TET1: variants seen among roughly 807,000 people sequenced by gnomAD.
TET1 encodes the protein methylcytosine dioxygenase TET1.
TET1 carries 13 observed loss-of-function variants against 148.7 expected under a neutral mutation model. The observed-to-expected ratio is 0.09, with a 90% CI of 0.06 to 0.14. The LOEUF is 0.14. Ranked by LOEUF, TET1 falls within the 10% of genes least tolerant of loss-of-function variation. The pLI is 1.00. For synonymous variants in TET1, 907 were observed against 937.2 expected, an observed-to-expected ratio of 0.97 and a Z score of 0.59; for missense variants, 2,182 against 2,553.8, an observed-to-expected ratio of 0.85 and a Z score of 3.14.
intron 3 of TET1, among the ~76,000 whole-genome samples, chr10:68,612,546 A>G (rs2054231963): frequency 6.6e-6 from 1 of 152,192 alleles, no homozygotes; most frequent in African/African-American, 2.4e-5. Context: ...AAAATAAAAT[A>G]AAGTCCTTTA....
chr10:68,596,846 G>A (rs1286251305), intron 2 of TET1, among the ~76,000 whole-genome samples: 7 of 151,970 alleles, frequency 4.6e-5, no homozygotes, highest in Admixed American at 2.0e-4. Context: ...ACAGGCCTTC[G>A]ATGTTTGCTT....
chr10:68,640,728 A>G (rs1332653418), intron 3 of TET1, among the ~76,000 whole-genome samples: 1 of 147,442 alleles, frequency 6.8e-6, no homozygotes, highest in African/African-American at 2.5e-5. Flanking sequence ...ATTTTTTTGT[A>G]TTTTAGTAGA....
In TET1 at chr10:68,692,894, A is replaced by G. The variant is rs2055611717; in HGVS notation, c.*1080A>G. On this transcript the variant is annotated 3_prime_UTR_variant, in exon 12 of 12. Transcript: ENST00000373644. ...CTAATGTCTCAAGGTGATAAAATAC[A>G]AAAACTAAGTAGACAGATATTTGTA... 8.6e-6 allele frequency: 2 copies of G among 231,708 alleles called. No individual in the cohort carries two copies. The highest frequency in any genetic ancestry group is 1.7e-5 in the Non-Finnish European group (2 of 117,384). 14.4% of individuals were successfully genotyped at this position (231,708 alleles called of 1,614,324 possible).
intron 7 of TET1, among the ~76,000 whole-genome samples, chr10:68,671,350 T>C (rs1589126954): frequency 6.6e-6 from 1 of 152,362 alleles, no homozygotes; most frequent in South Asian, 2.1e-4. Context: ...GCCTTTAGCT[T>C]TATTCATGTT....
At chr10:68,679,866 G>T (rs1409403776) in intron 8 of TET1, among the ~76,000 whole-genome samples, 1 of 152,150 alleles carries the variant, frequency 6.6e-6, no homozygotes, top group African/African-American at 2.4e-5. Flanking sequence ...TAGAGGCTGG[G>T]TTTCACCTTG....
intron 2 of TET1, among the ~76,000 whole-genome samples, chr10:68,576,104 C>T (rs2133695037): frequency 6.6e-6 from 1 of 151,560 alleles, no homozygotes; most frequent in Admixed American, 6.6e-5. Context: ...ACCTGTAATC[C>T]CAGAACTTTG....
At chr10:68,647,122 C>T in intron 4 of TET1, 117 bp downstream of exon 4, 1 of 1,113,740 alleles carries the variant, frequency 9.0e-7, no homozygotes, top group East Asian at 2.5e-5. Flanking sequence ...CTTATTCTAA[C>T]TAAGATGGAT....
chr10:68,574,108 A>C lies in TET1; in HGVS notation c.1770A>C (p.Arg590=). 1 of 1,614,140 alleles carries C rather than the reference A, an allele frequency of 6.2e-7. No homozygotes were observed. Among genetic ancestry groups the C allele is most frequent in the Non-Finnish European group, 8.5e-7 (1 of 1,180,040 alleles). The change falls in exon 2 of 12, where the codon CGA becomes CGC. Residue 590 remains arginine, a synonymous_variant. Coordinates refer to ENST00000373644, the MANE Select transcript of TET1 (RefSeq NM_030625.3). The part of the protein sequence containing the change: ...LPTLEKKKRK[R]CGVCEPCQQK... ...CTTTGGAAAAGAAGAAAAGAAAGCGATGTGGGGTCTGTGAACCCTGCCAGC... is the reference window on the plus strand; with the variant it reads ...CTTTGGAAAAGAAGAAAAGAAAGCGCTGTGGGGTCTGTGAACCCTGCCAGC...
At chr10:68,663,760 TCTC>T (rs1341976387) in intron 6 of TET1, among the ~76,000 whole-genome samples, 1 of 152,232 alleles carries the variant, frequency 6.6e-6, no homozygotes, top group Non-Finnish European at 1.5e-5. Flanking sequence ...CCTTTAGTGT[TCTC>T]CTGGTTTTTG....
rs147914346 is a variant in TET1 at position 68,627,890 on chromosome 10, C to T, written c.1969-16808C>T. On this transcript the variant is annotated intron_variant, in intron 3 of 11. Transcript: ENST00000373644. ...GGCGGAGGTTGCAGTGAGCTGAGAT[C>T]GCACCACTGCACTCCAGCCGGGGCG... 6.0e-3 allele frequency among the ~76,000 whole-genome samples: 910 copies of T among 151,964 alleles called. 15 individuals carry two copies. The highest frequency in any genetic ancestry group is 0.021 in the African/African-American group (863 of 41,472).
chr10:68,597,934 G>A (rs535894284), intron 2 of TET1, among the ~76,000 whole-genome samples: 136 of 152,298 alleles, frequency 8.9e-4, no homozygotes, highest in African/African-American at 2.7e-3. Context: ...ACAGAAAGTA[G>A]AATGGAAGTC....
chr10:68,665,284 AC>A (rs35506381), intron 6 of TET1, among the ~76,000 whole-genome samples: 1 of 842 alleles, frequency 1.2e-3, no homozygotes, highest in Non-Finnish European at 3.5e-3. Flanking sequence ...TTACACATAC[AC>A]ACACACACAC....
chr10:68,667,212 A>T lies in TET1; in HGVS notation c.4629A>T (p.Ser1543=), dbSNP rs1412368966. The change falls in exon 7 of 12, where the codon TCA becomes TCT. Residue 1543 remains serine (S), a synonymous_variant. Coordinates refer to ENST00000373644, the MANE Select transcript of TET1 (RefSeq NM_030625.3). Reference sequence around the variant, plus strand: ...CAGAGCTCACAGAGAATCTAAAGTCATACAATGGGCACCCTACCGACAGAA... The same window carrying T: ...CAGAGCTCACAGAGAATCTAAAGTCTTACAATGGGCACCCTACCGACAGAA... The part of the protein sequence containing the change: ...LYTELTENLK[S]YNGHPTDRRC... 2 of 1,614,150 alleles carry T rather than the reference A, an allele frequency of 1.2e-6. No individual in the cohort carries two copies. The highest frequency in any genetic ancestry group is 1.7e-6 in the Non-Finnish European group (2 of 1,180,020).
At chr10:68,650,612 C>A (rs2054917608) in intron 4 of TET1, among the ~76,000 whole-genome samples, 2 of 151,772 alleles carry the variant, frequency 1.3e-5, no homozygotes, top group Non-Finnish European at 2.9e-5. Flanking sequence ...GCCTGGGCAA[C>A]AAGAGTGAAA....
chr10:68,608,052 C>T (rs757258883), intron 3 of TET1, among the ~76,000 whole-genome samples: 35 of 151,620 alleles, frequency 2.3e-4, no homozygotes, highest in Non-Finnish European at 3.8e-4. Context: ...CCTCAGCCTC[C>T]GGAGTAGCTG....
At chr10:68,587,794 A>G (rs10998309) in intron 2 of TET1, among the ~76,000 whole-genome samples, 23,458 of 152,178 alleles carry the variant, frequency 0.15, 1,985 homozygotes, top group South Asian at 0.24. Context: ...ACTGTATTCA[A>G]TGCTGACAGT....
Position 68,690,835 on chromosome 10 carries a change from A to C in TET1, c.5432A>C (p.Glu1811Ala). The C allele has an allele frequency of 1.2e-6, 2 of 1,611,200 alleles. No individual in the cohort carries two copies. Among genetic ancestry groups the C allele is most frequent in the Non-Finnish European group, 1.7e-6 (2 of 1,177,750 alleles). The part of the protein sequence containing the change: ...LGSNTETVQP[E>A]VKSETEPHFI... ...AGTAACACTGAGACCGTGCAACCTG[A>C]AGTAAAAAGTGAAACCGAACCCCAT... is the stretch of plus-strand genomic sequence containing the variant. Residue 1811 changes from glutamate to alanine, a missense_variant, in exon 12 of 12, where the codon GAA becomes GCA. Coordinates refer to ENST00000373644, the MANE Select transcript of TET1 (RefSeq NM_030625.3).
At chr10:68,666,768 T>C (rs1269410069) in intron 6 of TET1, among the ~76,000 whole-genome samples, 2 of 152,154 alleles carry the variant, frequency 1.3e-5, no homozygotes, top group Non-Finnish European at 2.9e-5. Flanking sequence ...GTTTTATCCC[T>C]TGAGAAGTAG....
intron 6 of TET1, among the ~76,000 whole-genome samples, chr10:68,653,953 A>G (rs2054979244): frequency 6.6e-6 from 1 of 151,850 alleles, no homozygotes; most frequent in African/African-American, 2.4e-5. Context: ...CTAAAAATAC[A>G]TAAATTAGCT....
Sources: gnomAD v4.1 joint callset for allele counts (sites outside exome capture counted in the v4.1 genomes callset) on GRCh38, gnomAD v4.1.1 for gene constraint, MANE v1.5 for transcripts, NCBI Gene and HGNC (gene_info 2026-07-23, HGNC 2026-07-21) for gene names.